Variants in KCTD17 observed in about 807,000 individuals in gnomAD.
KCTD17 encodes the protein BTB/POZ domain-containing protein KCTD17.
A neutral mutation model predicts 41.5 loss-of-function variants in KCTD17; 20 were observed. The observed-to-expected ratio is 0.48, with a 90% CI of 0.34 to 0.70. KCTD17 has a LOEUF of 0.70. Ranked by LOEUF, KCTD17 falls within the 30% of genes least tolerant of loss-of-function variation. The pLI is 0.01. For synonymous variants in KCTD17, 156 were observed against 173.8 expected, an observed-to-expected ratio of 0.90 and a Z score of 0.80; for missense variants, 317 against 427.2, an observed-to-expected ratio of 0.74 and a Z score of 2.27.
chr22:37,057,422 G>A lies in KCTD17; in HGVS notation c.415G>A (p.Val139Met). ...TQVPPKHVYR[V>M]LQCQEEELTQ... The stretch of plus-strand genomic sequence containing the variant: ...GGTCCCACCCAAGCACGTGTACCGC[G>A]TGCTGCAGTGCCAGGAGGAGGAGCT... The change falls in exon 4 of 9, where the codon GTG (valine) becomes ATG (methionine). Residue 139 changes from valine to methionine, a missense_variant. Val to Met is a conservative substitution (Grantham distance 21, BLOSUM62 1). Around this residue, in one of 4 missense-constraint regions of KCTD17, gnomAD observed 14 missense variants for 42.4 expected, o/e 0.33. Transcript: ENST00000403888. The A allele has an allele frequency of 1.2e-6, 2 of 1,613,654 alleles. No individual in the cohort carries two copies. Among genetic ancestry groups the A allele is most frequent in the South Asian group, 1.1e-5 (1 of 91,072 alleles).
intron 1 of KCTD17, chr22:37,052,757 G>C (rs1267438391): frequency 2.3e-6 from 1 of 436,030 alleles, no homozygotes; most frequent in Non-Finnish European, 4.6e-6. Flanking sequence ...CAGTGGGGCT[G>C]GCTTCAGGGG....
chr22:37,056,069 G>A (rs1407685177), intron 2 of KCTD17, among the ~76,000 whole-genome samples: 2 of 152,146 alleles, frequency 1.3e-5, no homozygotes, highest in Non-Finnish European at 2.9e-5. Context: ...ACGGTGGCCT[G>A]GCAGGTACCC....
intron 2 of KCTD17, among the ~76,000 whole-genome samples, chr22:37,054,322 C>A (rs1924840306): frequency 6.6e-6 from 1 of 152,144 alleles, no homozygotes; most frequent in East Asian, 1.9e-4. Context: ...GTTTACACGC[C>A]CTGCATTCTC....
chr22:37,058,395 T>A (rs1275283854), intron 4 of KCTD17, among the ~76,000 whole-genome samples: 2 of 152,210 alleles, frequency 1.3e-5, no homozygotes, highest in Non-Finnish European at 2.9e-5. Flanking sequence ...ATCGGTGAAG[T>A]GGGCTAACAG....
intron 8 of KCTD17, chr22:37,062,033 C>T (rs1031770223): frequency 1.5e-5 from 15 of 984,642 alleles, no homozygotes; most frequent in African/African-American, 1.7e-5. Flanking sequence ...AAAGCCCTGG[C>T]CATGTGCCCA....
intron 4 of KCTD17, among the ~76,000 whole-genome samples, chr22:37,059,054 C>T (rs914025261): frequency 2.6e-5 from 4 of 152,154 alleles, no homozygotes; most frequent in African/African-American, 9.7e-5. Flanking sequence ...GTAATGCTGC[C>T]ACCCTCCACC....
At chr22:37,060,699 C>G in intron 5 of KCTD17, 124 bp from the exon 6 acceptor site, 7 of 1,357,302 alleles carry the variant, frequency 5.2e-6, no homozygotes, top group Non-Finnish European at 6.7e-6. Flanking sequence ...GGCTGGAGCC[C>G]TCCCCTCTCC....
chr22:37,060,741 T>C, intron 5 of KCTD17, 82 bp from the exon 6 acceptor site: 3 of 1,424,308 alleles, frequency 2.1e-6, no homozygotes, highest in South Asian at 1.6e-5. Context: ...TGAGACCGGG[T>C]CTTTGGGGAT....
In KCTD17 at chr22:37,060,824, G is replaced by T. The variant is rs1445847716; in HGVS notation, c.614G>T (p.Ser205Ile). The change falls in exon 6 of 9, where the codon AGC (serine) becomes ATC (isoleucine). Residue 205 changes from serine to isoleucine, a missense_variant and splice_region_variant. Around this residue, in one of 4 missense-constraint regions of KCTD17, gnomAD observed 177 missense variants for 194.4 expected, o/e 0.91. Coordinates refer to ENST00000403888, the MANE Select transcript of KCTD17 (RefSeq NM_001282684.2). ...LSSESSRKTK[S>I]TEEQLEEQQQ... ...CTGGGTCCGCCGGCTGGTTCACAGA[G>T]CACGGAGGAGCAGCTGGAGGAGCAG... 2.0e-6 allele frequency: 3 copies of T among 1,509,124 alleles called. No individual in the cohort carries two copies. The East Asian group carries it at 7.4e-5, about 37-fold the overall frequency. The allele number at this position is 1,509,124 out of a possible 1,614,324, so 93.5% of individuals were successfully genotyped here. A position where few individuals can be genotyped will look rare whatever the true frequency, so the allele number is the denominator to read the frequency against.
Position 37,051,750 on chromosome 22 carries a change from C to T in KCTD17, c.-11C>T, listed in dbSNP as rs901141352. 2.5e-6 allele frequency: 3 copies of T among 1,218,646 alleles called. No individual in the cohort carries two copies. Among genetic ancestry groups the T allele is most frequent in the African/African-American group, 3.1e-5 (2 of 63,540 alleles). The allele number at this position is 1,218,646 out of a possible 1,614,324, so 75.5% of individuals were successfully genotyped here. A position where few individuals can be genotyped will look rare whatever the true frequency, so the allele number is the denominator to read the frequency against. On this transcript the variant is annotated 5_prime_UTR_variant, in exon 1 of 9. Transcript: ENST00000403888. ...GCGCCCGGGAGGAGGATGCAGACGC[C>T]GCGGCCGGCGATGAGGATGGAGGCC...
At position 37,051,931 on chromosome 22, in the gene KCTD17, A is replaced by T; in HGVS notation, c.171A>T (p.Glu57Asp). The T allele has an allele frequency of 6.7e-7, 1 of 1,490,122 alleles. No individual in the cohort carries two copies. The highest frequency in any genetic ancestry group is 1.3e-5 in the South Asian group (1 of 78,202). 92.3% of individuals were successfully genotyped at this position (1,490,122 alleles called of 1,614,324 possible). The change falls in exon 1 of 9, where the codon GAA (glutamate) becomes GAT (aspartate). Residue 57 changes from glutamate (E) to aspartate (D), a missense_variant. Physicochemically the swap from Glu to Asp is conservative, Grantham distance 45. This residue lies in a region of KCTD17 where 99 missense variants were observed against 166.5 expected (regional missense o/e 0.59). Transcript: ENST00000403888. ...KSFLSRLCQGEELQSDRDETG... is the reference protein window; with the variant it reads ...KSFLSRLCQGDELQSDRDETG... ...TCCTCAGCCGCCTGTGCCAGGGGGAAGAGCTGCAGTCGGACCGGGTGAGGC... is the reference window on the plus strand; with the variant it reads ...TCCTCAGCCGCCTGTGCCAGGGGGATGAGCTGCAGTCGGACCGGGTGAGGC...
chr22:37,062,788 C>T lies in KCTD17; in HGVS notation c.*194C>T. 8.0e-7 allele frequency: 1 copy of T among 1,257,650 alleles called. No homozygotes were observed. 77.9% of individuals were successfully genotyped at this position (1,257,650 alleles called of 1,614,324 possible). ...TCTGGGCAGAGTGGACTGCTCATGG[C>T]AGATGTGTGGCAATGTCTGGCTGTG... On this transcript the variant is annotated 3_prime_UTR_variant, in exon 9 of 9. Transcript: ENST00000403888.
chr22:37,058,197 G>A (rs566023962), intron 4 of KCTD17, among the ~76,000 whole-genome samples: 18 of 152,296 alleles, frequency 1.2e-4, no homozygotes, highest in Admixed American at 7.8e-4. Flanking sequence ...CTTTCTCCAC[G>A]CCCACCCACA....
At chr22:37,054,610 A>G (rs1924880514) in intron 2 of KCTD17, among the ~76,000 whole-genome samples, 1 of 152,100 alleles carries the variant, frequency 6.6e-6, no homozygotes, top group South Asian at 2.1e-4. Flanking sequence ...AAAGTGACCT[A>G]ACCCCTCTGT....
intron 8 of KCTD17, chr22:37,062,256 A>G: frequency 1.0e-6 from 1 of 984,240 alleles, no homozygotes; most frequent in Non-Finnish European, 1.2e-6. Context: ...GGTGGCCGCC[A>G]CCGAGCCCAA....
In KCTD17 at chr22:37,061,617, G is replaced by A; in HGVS notation, c.863G>A (p.Ser288Asn). Reference protein sequence around the residue: ...ASPRPLARPQSCHPCCYKPEA... With the variant: ...ASPRPLARPQNCHPCCYKPEA... ...CCTCGGCCCCTCGCCCGCCCCCAGA[G>A]CTGCCATCCCTGGTTTGTAGCTTGG... Residue 288 changes from serine (S) to asparagine (N), a missense_variant, in exon 8 of 9, where the codon AGC becomes AAC. Ser to Asn is a conservative substitution (Grantham distance 46). Transcript: ENST00000403888. The surrounding 1 kb of genome is among the most constrained non-coding windows in gnomAD (Gnocchi z 6.6). 3 of 1,598,424 alleles carry A rather than the reference G, an allele frequency of 1.9e-6. No individual in the cohort carries two copies. The highest frequency in any genetic ancestry group is 2.5e-6 in the Non-Finnish European group (3 of 1,178,850).
intron 1 of KCTD17, chr22:37,052,654 C>T (rs112058074): frequency 0.02 from 9,327 of 470,696 alleles, 148 homozygotes; most frequent in Non-Finnish European, 0.028. Flanking sequence ...TGGAAGCCCA[C>T]CCTGCCTCCC....
At chr22:37,054,488 G>A (rs919172871) in intron 2 of KCTD17, among the ~76,000 whole-genome samples, 2 of 151,936 alleles carry the variant, frequency 1.3e-5, no homozygotes, top group South Asian at 2.1e-4. Context: ...AGGGCTATCC[G>A]GGGGCTAGGG....
chr22:37,052,136 T>G, intron 1 of KCTD17, 187 bp downstream of exon 1: 28 of 812,770 alleles, frequency 3.4e-5, no homozygotes, highest in African/African-American at 5.4e-5. Flanking sequence ...GATGTACCCA[T>G]TGCCGTGGCA....
Sources: allele counts gnomAD v4.1 joint callset (sites outside exome capture counted in the v4.1 genomes callset), GRCh38; gene constraint gnomAD v4.1.1; regional missense constraint gnomAD v4.1.1; non-coding constraint Gnocchi (gnomAD v3.1); transcripts MANE v1.5; gene names NCBI Gene and HGNC (gene_info 2026-07-23, HGNC 2026-07-21).